The following HERC1 variants were observed in gnomAD, a reference collection of about 807,000 sequenced individuals.
HERC1 encodes the protein HECT and RLD domain containing E3 ubiquitin protein ligase family member 1.
HERC1 carries 160 observed loss-of-function variants against 554.3 expected under a neutral mutation model. That is an observed-to-expected ratio of 0.29 (90% CI 0.25 to 0.33). The LOEUF (loss-of-function observed/expected upper bound fraction) is 0.33. Among genes scored for constraint, HERC1 ranks in the 10% least tolerant of loss-of-function variants. The pLI is 1.00. For missense variants in HERC1, 4,919 were observed against 5,918.5 expected (o/e 0.83, Z 5.54); for synonymous variants, 2,175 against 2,131.7 (o/e 1.02, Z -0.56).
Position 63,718,473 on chromosome 15 carries a change from A to C in HERC1, c.3978+101T>G, listed in dbSNP as rs183508692. 5.0e-4 allele frequency: 562 copies of C among 1,116,696 alleles called. 3 individuals carry two copies. In the African/African-American group the frequency reaches 8.1e-3, roughly 16 times the overall value. The allele number at this position is 1,116,696 out of a possible 1,614,324, so 69.2% of individuals were successfully genotyped here. ...GAACTACTCAACATGTATTGAACATATGCAATAACCAAGGCACATTTTTTT... is the reference window on the plus strand; with the variant it reads ...GAACTACTCAACATGTATTGAACATCTGCAATAACCAAGGCACATTTTTTT... On this transcript the variant is annotated intron_variant, in intron 21 of 77. Coordinates refer to ENST00000443617, the MANE Select transcript of HERC1 (RefSeq NM_003922.4). The surrounding 1 kb of genome is among the most constrained non-coding windows in gnomAD (Gnocchi z 4.2).
At chr15:63,808,182 C>T (rs1332020192) in intron 1 of HERC1, among the ~76,000 whole-genome samples, 1 of 151,106 alleles carries the variant, frequency 6.6e-6, no homozygotes, top group Non-Finnish European at 1.5e-5. Flanking sequence ...TGACAAGCAG[C>T]TATAAGCAAA....
At position 63,637,379 on chromosome 15, in the gene HERC1, T is replaced by C. The variant is rs908957595; in HGVS notation, c.12232+126A>G. On this transcript the variant is annotated intron_variant, in intron 64 of 77. Transcript: ENST00000443617. ...GGCTGCACACATGCCTAAATAAGGA[T>C]TTAAATGTAAGTGAAAACCTGATAT... 3.8e-6 allele frequency: 3 copies of C among 785,356 alleles called. No individual in the cohort carries two copies. In the Admixed American group the frequency reaches 8.2e-5, roughly 22 times the overall value. The allele number at this position is 785,356 out of a possible 1,614,324, so 48.6% of individuals were successfully genotyped here.
Position 63,756,876 on chromosome 15 carries a change from T to C in HERC1, c.1222-128A>G. On this transcript the variant is annotated intron_variant, in intron 4 of 77. Transcript: ENST00000443617. This position sits in a 1 kb window ranked among gnomAD's most constrained non-coding sequence, Gnocchi z 5.0. ...GATACGGCATGATTCTCCAGAGAGATTAAGGAATATACAGAAATCTAAGAG... is the reference window on the plus strand; with the variant it reads ...GATACGGCATGATTCTCCAGAGAGACTAAGGAATATACAGAAATCTAAGAG... 1 of 609,988 alleles carries C rather than the reference T, an allele frequency of 1.6e-6. No individual in the cohort carries two copies. The highest frequency in any genetic ancestry group is 2.8e-6 in the Non-Finnish European group (1 of 357,842). 37.8% of individuals were successfully genotyped at this position (609,988 alleles called of 1,614,324 possible).
chr15:63,746,021 A>AC (rs2075041926), intron 12 of HERC1, among the ~76,000 whole-genome samples: 1 of 151,602 alleles, frequency 6.6e-6, no homozygotes, highest in South Asian at 2.1e-4. Flanking sequence ...TCTGTTCTTT[A>AC]TTTTTTTAAT....
At chr15:63,782,275 C>G (rs1163513839) in intron 1 of HERC1, among the ~76,000 whole-genome samples, 1 of 152,222 alleles carries the variant, frequency 6.6e-6, no homozygotes, top group African/African-American at 2.4e-5. Context: ...GGTTGAGTCT[C>G]TTGCTAAGGG....
Position 63,723,188 on chromosome 15 carries a change from T to C in HERC1, c.3736A>G (p.Ser1246Gly). The change falls in exon 19 of 78, where the codon AGT becomes GGT. Residue 1246 changes from serine to glycine, a missense_variant. Around this residue, in one of 11 missense-constraint regions of HERC1, gnomAD observed 1,121 missense variants for 1,244.0 expected, o/e 0.90. Coordinates refer to ENST00000443617, the MANE Select transcript of HERC1 (RefSeq NM_003922.4). ...TTTATCTTCTTTATCTTACCTTTAC[T>C]AACAGCATAGTCCTGCATGCTGATC... Reference protein sequence around the residue: ...LWISMQDYAVSKDWDSATLSN... With the variant: ...LWISMQDYAVGKDWDSATLSN... 8.8e-6 allele frequency: 13 copies of C among 1,473,250 alleles called. No individual in the cohort carries two copies. The highest frequency in any genetic ancestry group is 1.2e-5 in the Non-Finnish European group (13 of 1,104,822). The allele number at this position is 1,473,250 out of a possible 1,614,324, so 91.3% of individuals were successfully genotyped here. A position where few individuals can be genotyped will look rare whatever the true frequency, so the allele number is the denominator to read the frequency against.
At chr15:63,766,903 C>G (rs1269917030) in intron 2 of HERC1, among the ~76,000 whole-genome samples, 1 of 152,112 alleles carries the variant, frequency 6.6e-6, no homozygotes, top group Admixed American at 6.5e-5. Flanking sequence ...GTCTGAAACT[C>G]CCAACCCCAG....
In HERC1 at chr15:63,640,441, T is replaced by C. The variant is rs747168477; in HGVS notation, c.11612A>G (p.His3871Arg). The change falls in exon 61 of 78, where the codon CAT (histidine) becomes CGT (arginine). Residue 3871 changes from histidine to arginine, a missense_variant. This residue lies in a region of HERC1 where 1,963 missense variants were observed against 2,228.6 expected (regional missense o/e 0.88). Coordinates refer to ENST00000443617, the MANE Select transcript of HERC1 (RefSeq NM_003922.4). Reference protein sequence around the residue: ...LQEQYAYEKPHVVCGDQLVHS... With the variant: ...LQEQYAYEKPRVVCGDQLVHS... ...AACAAGTTGGTCACCACAAACCACA[T>C]GAGGCTAAAACAAAATACAAGGATA... 20 of 1,612,104 alleles carry C rather than the reference T, an allele frequency of 1.2e-5. No homozygotes were observed. Among genetic ancestry groups the C allele is most frequent in the Non-Finnish European group, 1.7e-5 (20 of 1,178,420 alleles).
chr15:63,826,801 AAAAAAAAAAAAAAAT>A (rs1487274489), intron 1 of HERC1, among the ~76,000 whole-genome samples: 188 of 84,112 alleles, frequency 2.2e-3, no homozygotes, highest in African/African-American at 8.9e-3. Context: ...AAAAAAAAAA[AAAAAAAAAAAAAAAT>A]ATATATATAT....
chr15:63,745,011 T>C (rs559929561), intron 12 of HERC1, among the ~76,000 whole-genome samples: 2 of 152,270 alleles, frequency 1.3e-5, no homozygotes, highest in East Asian at 1.9e-4. Flanking sequence ...AGGCAGTGGG[T>C]TCCCTTCTGG....
At chr15:63,813,193 T>C (rs933129633) in intron 1 of HERC1, among the ~76,000 whole-genome samples, 6 of 152,150 alleles carry the variant, frequency 3.9e-5, no homozygotes, top group African/African-American at 1.4e-4. Context: ...TCAGGAAGAT[T>C]TGCTAAAGAA....
intron 1 of HERC1, among the ~76,000 whole-genome samples, chr15:63,832,922 ATT>A (rs1246536100): frequency 6.6e-6 from 1 of 152,238 alleles, no homozygotes; most frequent in Non-Finnish European, 1.5e-5. Flanking sequence ...GTTTGTTCAG[ATT>A]TGTTATTCCC....
intron 21 of HERC1, among the ~76,000 whole-genome samples, chr15:63,717,228 C>A (rs191821633): frequency 6.6e-6 from 1 of 152,218 alleles, no homozygotes; most frequent in East Asian, 1.9e-4. Flanking sequence ...CATTTATCCC[C>A]ATATATGAGT....
chr15:63,764,424 C>T (rs1023656026), intron 2 of HERC1, among the ~76,000 whole-genome samples: 2 of 152,142 alleles, frequency 1.3e-5, no homozygotes, highest in African/African-American at 2.4e-5. Context: ...TCACTGATTA[C>T]CTGATTAAAA....
intron 56 of HERC1, 99 bp from the exon 57 acceptor site, chr15:63,645,196 A>G: frequency 3.3e-6 from 3 of 901,448 alleles, no homozygotes; most frequent in Non-Finnish European, 5.4e-6. Context: ...GAACCACTGC[A>G]TTATTTTTTA....
rs1489021981 is a variant in HERC1, at chr15:63,734,983, C to T, written c.2521-134G>A. On this transcript the variant is annotated intron_variant, in intron 12 of 77. Coordinates refer to ENST00000443617, the MANE Select transcript of HERC1 (RefSeq NM_003922.4). This position sits in a 1 kb window ranked among gnomAD's most constrained non-coding sequence, Gnocchi z 4.6. ...ATGGCATGATAAAAAAGAAAGCATG[C>T]AAGTCCTCCTTCAGATGTCTTTAAG... 1.4e-6 allele frequency: 1 copy of T among 711,406 alleles called. No homozygotes were observed. Among genetic ancestry groups the T allele is most frequent in the Admixed American group, 3.3e-5 (1 of 30,444 alleles). The allele number at this position is 711,406 out of a possible 1,614,324, so 44.1% of individuals were successfully genotyped here. A position where few individuals can be genotyped will look rare whatever the true frequency, so the allele number is the denominator to read the frequency against.
At position 63,616,583 on chromosome 15, in the gene HERC1, C is replaced by A; in HGVS notation, c.13788G>T (p.Leu4596=). ...ACACCAGAGGGGCCAAGTGGAGGTC[C>A]AGAGGCTTCTTTGTGCGAATGGCAA... The part of the protein sequence containing the change: ...MGVAIRTKKP[L]DLHLAPLVWK... Residue 4596 remains leucine, a synonymous_variant, in exon 75 of 78, where the codon CTG becomes CTT. Coordinates refer to ENST00000443617, the MANE Select transcript of HERC1 (RefSeq NM_003922.4). 2 of 1,613,944 alleles carry A rather than the reference C, an allele frequency of 1.2e-6. No individual in the cohort carries two copies. Among genetic ancestry groups the A allele is most frequent in the Non-Finnish European group, 1.7e-6 (2 of 1,179,882 alleles).
chr15:63,701,943 T>C (rs1372456544), intron 25 of HERC1, among the ~76,000 whole-genome samples: 1 of 152,190 alleles, frequency 6.6e-6, no homozygotes, highest in Non-Finnish European at 1.5e-5. Context: ...GCCCAATTCT[T>C]AATACTAATT....
chr15:63,674,933 G>A lies in HERC1; in HGVS notation c.7255C>T (p.Arg2419Ter). The change falls in exon 38 of 78, where the codon CGA (arginine) becomes TGA (stop). Residue 2419 changes from arginine to a stop codon, truncating the protein, a stop_gained. Coordinates refer to ENST00000443617, the MANE Select transcript of HERC1 (RefSeq NM_003922.4). LOFTEE classifies it high-confidence loss of function. ...QSTKRHEKKHRHESEEKGDVE... is the reference protein window; with the variant it reads ...QSTKRHEKKH The stretch of plus-strand genomic sequence containing the variant: ...TCCCCTTTCTCCTCGGATTCATGTC[G>A]GTGTTTCTTTTCATGTCGTTTGGTG... 1.2e-6 allele frequency: 2 copies of A among 1,613,966 alleles called. No individual in the cohort carries two copies. The highest frequency in any genetic ancestry group is 1.7e-6 in the Non-Finnish European group (2 of 1,179,886).
Sources: allele counts gnomAD v4.1 joint callset (sites outside exome capture counted in the v4.1 genomes callset), GRCh38; gene constraint gnomAD v4.1.1; regional missense constraint gnomAD v4.1.1; non-coding constraint Gnocchi (gnomAD v3.1); transcripts MANE v1.5; gene names NCBI Gene and HGNC (gene_info 2026-07-23, HGNC 2026-07-21).